The following ALDH3B2 variants were observed in gnomAD, a reference collection of about 807,000 sequenced individuals.
ALDH3B2 encodes the protein aldehyde dehydrogenase 3 family member B2, also known as aldehyde dehydrogenase family 3 member B2.
ALDH3B2 carries 45 observed loss-of-function variants against 36.7 expected under a neutral mutation model. That is an observed-to-expected ratio of 1.23 (90% confidence interval 0.97 to 1.57). The LOEUF (loss-of-function observed/expected upper bound fraction) is 1.57, where lower values mean the gene tolerates loss of function less well. Among genes scored for constraint, ALDH3B2 ranks in the 40% most tolerant of loss-of-function variants. The pLI is 0.00. For synonymous variants in ALDH3B2, 217 were observed against 226.5 expected, an observed-to-expected ratio of 0.96 and a Z score of 0.38; for missense variants, 464 against 513.3, an observed-to-expected ratio of 0.90 and a Z score of 0.93.
intron 1 of ALDH3B2, among the ~76,000 whole-genome samples, chr11:67,669,984 ATGTG>A (rs1200666445): frequency 9.3e-4 from 15 of 16,080 alleles, no homozygotes; most frequent in Non-Finnish European, 1.4e-3. Flanking sequence ...GGGTGTCTGT[ATGTG>A]TATGGGTGTG....
upstream of ALDH3B2, among the ~76,000 whole-genome samples, chr11:67,678,946 G>A (rs1261098107): frequency 6.6e-6 from 1 of 152,076 alleles, no homozygotes; most frequent in African/African-American, 2.4e-5. Context: ...AACATCGTAT[G>A]TTTTCACTGA....
chr11:67,663,911 A>G, intron 8 of ALDH3B2, 150 bp from the exon 9 acceptor site: 1 of 655,756 alleles, frequency 1.5e-6, no homozygotes, highest in Admixed American at 3.1e-5. Flanking sequence ...TCTTCTGGGG[A>G]CAGCACCCTC....
chr11:67,666,438 A>T (rs1591143112), intron 4 of ALDH3B2, 37 bp from the exon 5 acceptor site: 1 of 1,606,078 alleles, frequency 6.2e-7, no homozygotes, highest in Non-Finnish European at 8.5e-7. Flanking sequence ...GGGGGAGCCC[A>T]GGGTCCCCAT....
At chr11:67,672,933 CTTT>C (rs532673446) in intron 1 of ALDH3B2, among the ~76,000 whole-genome samples, 1 of 118,334 alleles carries the variant, frequency 8.5e-6, no homozygotes, top group Admixed American at 8.3e-5. Flanking sequence ...CTTTTCTTTT[CTTT>C]TTTTTTTTTT....
At chr11:67,677,571 C>T (rs1335878135), upstream of ALDH3B2, among the ~76,000 whole-genome samples, 2 of 152,104 alleles carry the variant, frequency 1.3e-5, no homozygotes, top group Non-Finnish European at 2.9e-5. Context: ...TCTCACCACT[C>T]CTCTTCAACA....
chr11:67,666,867 C>A (rs1410805958), intron 3 of ALDH3B2, 39 bp downstream of exon 3: 2 of 1,613,778 alleles, frequency 1.2e-6, no homozygotes, highest in Non-Finnish European at 1.7e-6. Flanking sequence ...CTACCCGGTG[C>A]CCTGCCCTGC....
rs546905443 is a variant in ALDH3B2 at position 67,662,915 on chromosome 11, T to C, written c.*300A>G. The C allele has an allele frequency of 7.3e-4, 304 of 417,858 alleles. 1 individual carries two copies. Among genetic ancestry groups the C allele is most frequent in the African/African-American group, 5.6e-3 (279 of 49,522 alleles). 25.9% of individuals were successfully genotyped at this position (417,858 alleles called of 1,614,324 possible). On this transcript the variant is annotated 3_prime_UTR_variant, in exon 10 of 10. Coordinates refer to ENST00000349015, the Ensembl canonical transcript of ALDH3B2. ...GTATTTTCCAGGGTGACACTGCCCC[T>C]GTGACTGGGTCTGGCCAACCCTGAC...
chr11:67,673,441 A>G (rs1856187723), intron 1 of ALDH3B2, among the ~76,000 whole-genome samples: 1 of 152,218 alleles, frequency 6.6e-6, no homozygotes, highest in African/African-American at 2.4e-5. Flanking sequence ...AGGTGGCCAG[A>G]GACCCACCCC....
At chr11:67,679,810 G>GA (rs1001485082) in intron 1 of ALDH3B2, among the ~76,000 whole-genome samples, 1 of 151,998 alleles carries the variant, frequency 6.6e-6, no homozygotes, top group African/African-American at 2.4e-5. Context: ...CATTTTGTGC[G>GA]AAAAAATCAG....
upstream of ALDH3B2, among the ~76,000 whole-genome samples, chr11:67,677,694 C>T (rs185632492): frequency 1.4e-4 from 22 of 152,150 alleles, 1 homozygote; most frequent in Admixed American, 1.1e-3. Context: ...AATTGTTTAC[C>T]TTGAAAACCC....
At chr11:67,675,813 A>T (rs1856256997), upstream of ALDH3B2, among the ~76,000 whole-genome samples, 1 of 152,230 alleles carries the variant, frequency 6.6e-6, no homozygotes, top group African/African-American at 2.4e-5. Context: ...TGAATTGTAC[A>T]CTGTAAATGG....
chr11:67,666,086 T>C (rs970576315), intron 6 of ALDH3B2, 36 bp downstream of exon 6: 8 of 1,281,658 alleles, frequency 6.2e-6, no homozygotes, highest in Non-Finnish European at 7.7e-6. Flanking sequence ...GATGATCCCC[T>C]CCACCTACTC....
At chr11:67,677,513 A>C (rs1460127206), upstream of ALDH3B2, among the ~76,000 whole-genome samples, 1 of 152,198 alleles carries the variant, frequency 6.6e-6, no homozygotes, top group Non-Finnish European at 1.5e-5. Context: ...AACGGGAAAA[A>C]GTTGAAAGGC....
At chr11:67,674,058 A>G (rs531697287) in intron 1 of ALDH3B2, among the ~76,000 whole-genome samples, 2 of 152,298 alleles carry the variant, frequency 1.3e-5, no homozygotes, top group Admixed American at 6.5e-5. Flanking sequence ...GCACCTCCTG[A>G]TCACAGCCCT....
chr11:67,666,599 C>T, exon 4 of ALDH3B2: 8 of 1,614,090 alleles, frequency 5.0e-6, no homozygotes, highest in Non-Finnish European at 5.9e-6. Context: ...CCACCAGGAG[C>T]ACCAGGGTCA....
chr11:67,669,455 T>C (rs1856018774), intron 1 of ALDH3B2, among the ~76,000 whole-genome samples: 1 of 126,832 alleles, frequency 7.9e-6, no homozygotes, highest in African/African-American at 2.8e-5. Flanking sequence ...TCTGTGTGTG[T>C]ATGGATGTCT....
chr11:67,666,489 G>A (rs1855917149), intron 4 of ALDH3B2, 85 bp downstream of exon 4: 1 of 1,604,378 alleles, frequency 6.2e-7, no homozygotes, highest in African/African-American at 1.3e-5. Context: ...GTGAGGCCCA[G>A]GGTACCTCAG....
At chr11:67,664,673 A>T in intron 7 of ALDH3B2, 111 bp from the exon 8 acceptor site, 1 of 1,438,426 alleles carries the variant, frequency 7.0e-7, no homozygotes, top group Non-Finnish European at 9.3e-7. Context: ...CAGGATCCCA[A>T]GGTCTGACTT....
In ALDH3B2 at chr11:67,663,661, C is replaced by G; in HGVS notation, c.973+1G>C. 1.2e-6 allele frequency: 2 copies of G among 1,607,608 alleles called. No individual in the cohort carries two copies. The highest frequency in any genetic ancestry group is 1.1e-5 in the South Asian group (1 of 90,818). On this transcript the variant is annotated splice_donor_variant, in intron 9 of 9. Transcript: ENST00000349015. LOFTEE classifies it high-confidence loss of function. The stretch of plus-strand genomic sequence containing the variant: ...AGGGGTGGAAATGGGCAGGGACCCA[C>G]CGACTCCCCCGAATGGCACGGACAG...
Sources: gnomAD v4.1 joint callset for allele counts (sites outside exome capture counted in the v4.1 genomes callset) on GRCh38, gnomAD v4.1.1 for gene constraint, MANE v1.5 for transcripts, NCBI Gene and HGNC (gene_info 2026-07-23, HGNC 2026-07-21) for gene names.